The following MAF variants were observed in gnomAD, a reference collection of about 807,000 sequenced individuals.
MAF encodes MAF bZIP transcription factor.
MAF carries 10 observed loss-of-function variants against 22.0 expected under a neutral mutation model. The ratio of observed to expected loss-of-function variants is 0.45; its 90% CI spans 0.28 to 0.77. The LOEUF (loss-of-function observed/expected upper bound fraction) is 0.77, where lower values mean the gene tolerates loss of function less well. Among genes scored for constraint, MAF ranks in the 30% least tolerant of loss-of-function variants. The pLI is 0.12. For missense variants in MAF, 544 were observed against 548.4 expected (o/e 0.99, Z 0.08); for synonymous variants, 337 against 255.8 (o/e 1.32, Z -3.03).
the MAF span, among the ~76,000 whole-genome samples, chr16:79,331,270 T>C: frequency 1.3e-5 from 2 of 152,188 alleles, no homozygotes; most frequent in Non-Finnish European, 2.9e-5. Flanking sequence ...GCCACTCCCA[T>C]CAGTCAACAT....
chr16:79,238,095 T>G, the MAF span, among the ~76,000 whole-genome samples: 2 of 152,132 alleles, frequency 1.3e-5, no homozygotes, highest in East Asian at 1.9e-4. Flanking sequence ...GGCTTTGACC[T>G]GCAGTCATCA....
the MAF span, among the ~76,000 whole-genome samples, chr16:79,252,262 G>A: frequency 7.0e-6 from 1 of 143,826 alleles, no homozygotes; most frequent in African/African-American, 2.5e-5. Context: ...TAAAATAATG[G>A]GTGTGGCCAT....
At chr16:79,281,996 G>A in the MAF span, among the ~76,000 whole-genome samples, 19 of 152,096 alleles carry the variant, frequency 1.2e-4, no homozygotes, top group East Asian at 3.5e-3. Flanking sequence ...CTGGTGTCTG[G>A]GTCTTGAAGG....
the MAF span, among the ~76,000 whole-genome samples, chr16:79,376,811 A>T: frequency 6.6e-6 from 1 of 152,136 alleles, no homozygotes; most frequent in Non-Finnish European, 1.5e-5. Context: ...GCCGAGAATG[A>T]TGGTTTCCAG....
the MAF span, among the ~76,000 whole-genome samples, chr16:79,318,564 T>G: frequency 6.6e-6 from 1 of 152,206 alleles, no homozygotes; most frequent in East Asian, 1.9e-4. Context: ...GGGTGTCATC[T>G]AAGTCGGCAG....
chr16:79,483,416 A>T, the MAF span, among the ~76,000 whole-genome samples: 5 of 150,690 alleles, frequency 3.3e-5, no homozygotes, highest in Non-Finnish European at 7.4e-5. Context: ...AGGAAGGAAG[A>T]TAGGAAGGGA....
At chr16:79,447,905 A>AAAAAGAAAAG in the MAF span, among the ~76,000 whole-genome samples, 11 of 85,818 alleles carry the variant, frequency 1.3e-4, 1 homozygote, top group African/African-American at 2.3e-4. Context: ...AAAAAAAAAA[A>AAAAAGAAAAG]AAAAGAAAAG....
the MAF span, among the ~76,000 whole-genome samples, chr16:79,289,798 CTCT>C: frequency 4.0e-5 from 6 of 150,998 alleles, no homozygotes; most frequent in African/African-American, 1.5e-4. Flanking sequence ...AAAGTTTGTT[CTCT>C]TAGGCAGGCT....
At position 79,598,581 on chromosome 16, in the gene MAF, G is replaced by GGGGTGT. The variant is rs150301079; in HGVS notation, c.1118+203_1118+204insACACCC. On this transcript the variant is annotated intron_variant, in intron 1 of 1. Coordinates refer to ENST00000326043, the MANE Select transcript of MAF (RefSeq NM_005360.5). ...CACCACAAACTCGAGCAGGGTGTGG[G>GGGGTGT]GTGTGTGTGTGTGTGTGTGTGTGTG... The GGGGTGT allele has an allele frequency of 4.8e-5, 68 of 1,410,668 alleles. No homozygotes were observed. The East Asian group carries it at 6.4e-4, about 13-fold the overall frequency. The allele number at this position is 1,410,668 out of a possible 1,614,324, so 87.4% of individuals were successfully genotyped here. A position where few individuals can be genotyped will look rare whatever the true frequency, so the allele number is the denominator to read the frequency against.
chr16:79,393,046 T>C, the MAF span, among the ~76,000 whole-genome samples: 1 of 152,222 alleles, frequency 6.6e-6, no homozygotes, highest in Non-Finnish European at 1.5e-5. Flanking sequence ...CCAGGACCAC[T>C]GTCTGGGCCC....
chr16:79,418,663 T>C, the MAF span, among the ~76,000 whole-genome samples: 2 of 152,324 alleles, frequency 1.3e-5, no homozygotes, highest in East Asian at 3.9e-4. Context: ...TTCTCTCTCC[T>C]AGAAGCTGCT....
the MAF span, among the ~76,000 whole-genome samples, chr16:79,209,948 G>A: frequency 1.2e-4 from 19 of 152,320 alleles, no homozygotes; most frequent in Middle Eastern, 3.4e-3. Context: ...AGAAACAGCT[G>A]AATCCAGGAT....
chr16:79,567,747 A>G, the MAF span, among the ~76,000 whole-genome samples: 11,691 of 152,280 alleles, frequency 0.077, 641 homozygotes, highest in Middle Eastern at 0.16. Flanking sequence ...AGTAAATCCC[A>G]TCTACAGGGC....
the MAF span, among the ~76,000 whole-genome samples, chr16:79,323,855 A>C: frequency 6.6e-6 from 1 of 152,182 alleles, no homozygotes; most frequent in Non-Finnish European, 1.5e-5. Context: ...CTTGGGGGAA[A>C]GTGACCATGA....
chr16:79,583,647 T>C (rs1486388644), downstream of MAF, among the ~76,000 whole-genome samples: 3 of 152,252 alleles, frequency 2.0e-5, no homozygotes, highest in African/African-American at 7.2e-5. Context: ...TGCAAGAACA[T>C]GTTTTGAACG....
At chr16:79,442,716 C>G in the MAF span, among the ~76,000 whole-genome samples, 2 of 152,184 alleles carry the variant, frequency 1.3e-5, no homozygotes, top group African/African-American at 4.8e-5. Context: ...CTGGCTGAAT[C>G]TTTTTCATAT....
intron 1 of MAF, chr16:79,598,442 G>C (rs1208598041): frequency 8.1e-7 from 1 of 1,241,576 alleles, no homozygotes; most frequent in Non-Finnish European, 1.0e-6. Context: ...TCCGGGGGTG[G>C]GGCGGGGGGG....
the MAF span, among the ~76,000 whole-genome samples, chr16:79,385,611 T>C: frequency 2.6e-5 from 4 of 152,192 alleles, no homozygotes; most frequent in African/African-American, 9.6e-5. Flanking sequence ...AATTAATAGC[T>C]GTTTCCTGGC....
At chr16:79,249,976 T>G in the MAF span, among the ~76,000 whole-genome samples, 4 of 152,232 alleles carry the variant, frequency 2.6e-5, no homozygotes, top group Admixed American at 6.5e-5. Flanking sequence ...CCAGAGGGGT[T>G]AATTTTTCTC....
Sources: allele counts gnomAD v4.1 joint callset (sites outside exome capture counted in the v4.1 genomes callset), GRCh38; gene constraint gnomAD v4.1.1; transcripts MANE v1.5; gene names NCBI Gene and HGNC (gene_info 2026-07-23, HGNC 2026-07-21).